The following WDR49 variants were observed in gnomAD, a reference collection of about 807,000 sequenced individuals.
WDR49 encodes WD repeat domain 49, also known as cilia- and flagella-associated protein 337.
Under a neutral mutation model 119.5 loss-of-function variants are expected in WDR49, and 107 were observed. The observed-to-expected ratio is 0.90, with a 90% confidence interval of 0.77 to 1.05. The LOEUF (loss-of-function observed/expected upper bound fraction) is 1.05, where lower values mean the gene tolerates loss of function less well. WDR49 is among the 50% of genes least tolerant of loss of function. The pLI is 0.00. For synonymous variants in WDR49, 425 were observed against 418.8 expected, an observed-to-expected ratio of 1.01 and a Z score of -0.18; for missense variants, 1,240 against 1,220.5, an observed-to-expected ratio of 1.02 and a Z score of -0.24.
At chr3:167,646,248 C>T (rs1240147755) in intron 2 of WDR49, among the ~76,000 whole-genome samples, 1 of 152,110 alleles carries the variant, frequency 6.6e-6, no homozygotes, top group Non-Finnish European at 1.5e-5. Flanking sequence ...AAGGATTCCC[C>T]TGAAAGGAAT....
chr3:167,645,648 A>C (rs1345987932), intron 2 of WDR49, among the ~76,000 whole-genome samples: 2 of 151,928 alleles, frequency 1.3e-5, no homozygotes, highest in African/African-American at 2.4e-5. Flanking sequence ...CAGCTGCTTT[A>C]TTTCTTGTAC....
At chr3:167,574,500 TATC>T (rs1326006174) in intron 8 of WDR49, among the ~76,000 whole-genome samples, 2 of 152,230 alleles carry the variant, frequency 1.3e-5, no homozygotes, top group Non-Finnish European at 2.9e-5. Flanking sequence ...TATCAATGCT[TATC>T]ATTATTTATG....
intron 5 of WDR49, among the ~76,000 whole-genome samples, chr3:167,606,324 A>T (rs984019136): frequency 6.6e-6 from 1 of 152,168 alleles, no homozygotes; most frequent in Admixed American, 6.6e-5. Context: ...GAACCTTCTC[A>T]CTATACTCAT....
At chr3:167,489,439 G>A (rs1478563644) in intron 18 of WDR49, among the ~76,000 whole-genome samples, 1 of 151,990 alleles carries the variant, frequency 6.6e-6, no homozygotes, top group East Asian at 1.9e-4. Flanking sequence ...AACATCTAGT[G>A]TTATCAGTAA....
chr3:167,541,239 G>A (rs1443933849), intron 10 of WDR49, among the ~76,000 whole-genome samples: 3 of 152,066 alleles, frequency 2.0e-5, no homozygotes, highest in Non-Finnish European at 2.9e-5. Flanking sequence ...CATCGCCCAG[G>A]CACATAATCA....
chr3:167,573,789 C>T (rs1714076181), intron 8 of WDR49, among the ~76,000 whole-genome samples: 1 of 152,174 alleles, frequency 6.6e-6, no homozygotes, highest in South Asian at 2.1e-4. Context: ...CAACAAATGG[C>T]CGTCAATATG....
intron 17 of WDR49, 134 bp from the exon 18 acceptor site, chr3:167,500,433 G>GAGTAA: frequency 4.0e-6 from 4 of 1,008,982 alleles, no homozygotes; most frequent in Non-Finnish European, 5.7e-6. Context: ...TGGTACAGCT[G>GAGTAA]CAGTGATCTG....
chr3:167,614,603 G>A (rs563349796), intron 5 of WDR49, among the ~76,000 whole-genome samples: 1 of 152,284 alleles, frequency 6.6e-6, no homozygotes, highest in East Asian at 1.9e-4. Flanking sequence ...GAACCACTCA[G>A]AGAAGATGAA....
intron 7 of WDR49, among the ~76,000 whole-genome samples, chr3:167,593,194 C>T (rs1264736997): frequency 6.6e-6 from 1 of 152,038 alleles, no homozygotes; most frequent in African/African-American, 2.4e-5. Context: ...AAACTTTCTA[C>T]CTTGTTTCTC....
chr3:167,613,012 A>G (rs575437124), intron 5 of WDR49, among the ~76,000 whole-genome samples: 8 of 152,328 alleles, frequency 5.3e-5, no homozygotes, highest in Non-Finnish European at 1.0e-4. Context: ...AGTCAATAAT[A>G]ATGTAATTGT....
Position 167,620,557 on chromosome 3 carries a change from C to T in WDR49, c.830G>A (p.Arg277Gln), listed in dbSNP as rs781612000. 2.6e-5 allele frequency: 40 copies of T among 1,535,082 alleles called. No individual in the cohort carries two copies. Among genetic ancestry groups the T allele is most frequent in the South Asian group, 2.3e-4 (19 of 83,948 alleles). Residue 277 changes from arginine (R) to glutamine (Q), a missense_variant, in exon 5 of 19, where the codon CGG becomes CAG. Transcript: ENST00000682715. Reference protein sequence around the residue: ...FTAALISLFERPASACEDGEA... With the variant: ...FTAALISLFEQPASACEDGEA... ...TCCATCTTCACATGCACTAGCAGGC[C>T]GTTCAAACAGGGAAATCAAGGCTGC...
At chr3:167,510,760 A>T (rs1030930927) in intron 16 of WDR49, among the ~76,000 whole-genome samples, 1 of 152,126 alleles carries the variant, frequency 6.6e-6, no homozygotes, top group African/African-American at 2.4e-5. Context: ...AATAGCTTTA[A>T]GACACTTAAT....
intron 10 of WDR49, among the ~76,000 whole-genome samples, chr3:167,537,601 A>G (rs1711537959): frequency 6.6e-6 from 1 of 152,178 alleles, no homozygotes; most frequent in African/African-American, 2.4e-5. Flanking sequence ...AACAGAAAGA[A>G]CAGTATTAGA....
At chr3:167,537,105 T>C in intron 10 of WDR49, 105 bp from the exon 11 acceptor site, 7 of 1,183,400 alleles carry the variant, frequency 5.9e-6, no homozygotes, top group Non-Finnish European at 7.6e-6. Flanking sequence ...TAAAAGACTA[T>C]GCTGCCCAAA....
chr3:167,642,185 A>G (rs947633823), intron 2 of WDR49, among the ~76,000 whole-genome samples: 1 of 151,962 alleles, frequency 6.6e-6, no homozygotes, highest in East Asian at 1.9e-4. Flanking sequence ...TAATATGTAT[A>G]TATACTAACC....
At chr3:167,561,567 G>A (rs939466513) in intron 8 of WDR49, among the ~76,000 whole-genome samples, 3 of 152,156 alleles carry the variant, frequency 2.0e-5, no homozygotes, top group African/African-American at 7.2e-5. Flanking sequence ...AGTACAGAGT[G>A]GAAAACCTGA....
At chr3:167,505,442 A>G in intron 16 of WDR49, 26 bp from the exon 17 acceptor site, 1 of 1,499,150 alleles carries the variant, frequency 6.7e-7, no homozygotes, top group South Asian at 1.4e-5. Context: ...TCATGATGAA[A>G]TACATTATTA....
chr3:167,604,716 A>C (rs1715960117), intron 5 of WDR49, among the ~76,000 whole-genome samples: 1 of 152,118 alleles, frequency 6.6e-6, no homozygotes, highest in Non-Finnish European at 1.5e-5. Flanking sequence ...AGAGATTTTG[A>C]AAGGTAATTA....
At chr3:167,646,991 A>G (rs759317388) in intron 2 of WDR49, among the ~76,000 whole-genome samples, 6 of 152,192 alleles carry the variant, frequency 3.9e-5, no homozygotes, top group Non-Finnish European at 7.4e-5. Flanking sequence ...TTCTAGCAAT[A>G]GAGTGAGGGT....
Sources: gnomAD v4.1 joint callset for allele counts (sites outside exome capture counted in the v4.1 genomes callset) on GRCh38, gnomAD v4.1.1 for gene constraint, MANE v1.5 for transcripts, NCBI Gene and HGNC (gene_info 2026-07-23, HGNC 2026-07-21) for gene names.